ZNF14: variants seen among roughly 807,000 people sequenced by gnomAD.
ZNF14 encodes zinc finger protein 14, also known as gonadotropin inducible transcription repressor-4.
In ZNF14, 9 loss-of-function variants were observed where a neutral mutation model predicts 11.3. That is an observed-to-expected ratio of 0.80 (90% confidence interval 0.48 to 1.39). The LOEUF (loss-of-function observed/expected upper bound fraction) is 1.39, where lower values mean the gene tolerates loss of function less well. Ranked by LOEUF, ZNF14 falls within the 40% of genes most tolerant of loss-of-function variation. The pLI, the probability that ZNF14 is intolerant of heterozygous loss-of-function variation, is 0.00. For missense variants in ZNF14, 711 were observed against 763.9 expected (o/e 0.93, Z 0.82); for synonymous variants, 239 against 245.7 (o/e 0.97, Z 0.25).
At chr19:19,731,686 G>C (rs1239219463) in intron 1 of ZNF14, among the ~76,000 whole-genome samples, 1 of 152,100 alleles carries the variant, frequency 6.6e-6, no homozygotes, top group Non-Finnish European at 1.5e-5. Context: ...ACAACCACAC[G>C]AGGAAAGAAA....
rs1244837365 is a variant in ZNF14, at chr19:19,720,206, T to A, written c.4-5719A>T. ...AAAATGAGGAAGGACATTGTTGAAC[T>A]GAACAGTACCATCAAACAACTGGAC... On this transcript the variant is annotated intron_variant, in intron 1 of 3. Transcript: ENST00000344099. The surrounding 1 kb of genome is among the most constrained non-coding windows in gnomAD (Gnocchi z 4.1). 2.0e-5 allele frequency among the ~76,000 whole-genome samples: 3 copies of A among 152,192 alleles called. No homozygotes were observed. The highest frequency in any genetic ancestry group is 6.5e-5 in the Admixed American group (1 of 15,272).
chr19:19,723,528 T>C (rs1444395669), intron 1 of ZNF14, among the ~76,000 whole-genome samples: 3 of 152,142 alleles, frequency 2.0e-5, no homozygotes, highest in Non-Finnish European at 4.4e-5. Context: ...GTCAGGGATA[T>C]TGGTCTAAAA....
intron 1 of ZNF14, among the ~76,000 whole-genome samples, chr19:19,717,686 T>A (rs1464699927): frequency 6.6e-6 from 1 of 152,156 alleles, no homozygotes; most frequent in Non-Finnish European, 1.5e-5. Flanking sequence ...GTGCTAGGAA[T>A]CACACACAAA....
chr19:19,726,583 T>C lies in ZNF14; in HGVS notation c.3+6373A>G, dbSNP rs1408244581. Among the ~76,000 whole-genome samples, 2 of 133,556 alleles carry C rather than the reference T, an allele frequency of 1.5e-5. 1 individual carries two copies. The highest frequency in any genetic ancestry group is 3.3e-5 in the Non-Finnish European group (2 of 60,102). 87.6% of individuals were successfully genotyped at this position (133,556 alleles called of 152,430 possible). The stretch of plus-strand genomic sequence containing the variant: ...GTCCGTTCTCAGATCTCAAAATCCA[T>C]GCTGGGAGAACCACTACTCTCTTCA... On this transcript the variant is annotated intron_variant, in intron 1 of 3. Transcript: ENST00000344099.
chr19:19,711,987 T>C lies in ZNF14; in HGVS notation c.1294A>G (p.Ser432Gly). 2 of 1,614,062 alleles carry C rather than the reference T, an allele frequency of 1.2e-6. No homozygotes were observed. The highest frequency in any genetic ancestry group is 1.3e-5 in the African/African-American group (1 of 75,022). Residue 432 changes from serine to glycine, a missense_variant, in exon 4 of 4, where the codon AGT becomes GGT. By Grantham distance (56) the Ser-to-Gly change is moderately conservative (BLOSUM62 0). Transcript: ENST00000344099. Reference protein sequence around the residue: ...KQCGKTFSFSSSLQRHERTHN... With the variant: ...KQCGKTFSFSGSLQRHERTHN... ...GTCCTTTCATGTCTTTGAAGGGAAC[T>C]TGAAAAACTGAAGGTTTTACCACAT...
chr19:19,721,715 A>G (rs2062393792), intron 1 of ZNF14, among the ~76,000 whole-genome samples: 1 of 152,138 alleles, frequency 6.6e-6, no homozygotes, highest in Non-Finnish European at 1.5e-5. Flanking sequence ...TAATCCTAGC[A>G]CTTTGGGAGG....
intron 2 of ZNF14, 99 bp downstream of exon 2, chr19:19,714,262 C>T: frequency 6.3e-7 from 1 of 1,593,002 alleles, no homozygotes; most frequent in South Asian, 1.1e-5. Context: ...CTGAAAGATT[C>T]CCTTTCCACA....
At position 19,720,186 on chromosome 19, in the gene ZNF14, G is replaced by A. The variant is rs1252993306; in HGVS notation, c.4-5699C>T. On this transcript the variant is annotated intron_variant, in intron 1 of 3. Transcript: ENST00000344099. The surrounding 1 kb of genome is among the most constrained non-coding windows in gnomAD (Gnocchi z 4.1). ...ATAGCAGATCCAGCAGGCAGAAAAT[G>A]AGGAAGGACATTGTTGAACTGAACA... Among the ~76,000 whole-genome samples the A allele has an allele frequency of 6.6e-6, 1 of 152,176 alleles. No individual in the cohort carries two copies. Among genetic ancestry groups the A allele is most frequent in the Non-Finnish European group, 1.5e-5 (1 of 68,040 alleles).
At chr19:19,731,152 C>T (rs1362940525) in intron 1 of ZNF14, among the ~76,000 whole-genome samples, 1 of 152,124 alleles carries the variant, frequency 6.6e-6, no homozygotes, top group Non-Finnish European at 1.5e-5. Flanking sequence ...TTAGAAAAAC[C>T]ATTATTTATT....
In ZNF14 at chr19:19,733,080, T is replaced by G. The variant is rs2062428982; in HGVS notation, c.-122A>C. The stretch of plus-strand genomic sequence containing the variant: ...CTTCAGGAGCAGGTGAAACGCAATC[T>G]TCCCATGGGCCAGGAATGGCGACGT... On this transcript the variant is annotated 5_prime_UTR_variant, in exon 1 of 4. Coordinates refer to ENST00000344099, the MANE Select transcript of ZNF14 (RefSeq NM_021030.3). The G allele has an allele frequency of 1.4e-5, 18 of 1,296,754 alleles. No individual in the cohort carries two copies. Among genetic ancestry groups the G allele is most frequent in the Non-Finnish European group, 1.8e-5 (17 of 931,808 alleles). 80.3% of individuals were successfully genotyped at this position (1,296,754 alleles called of 1,614,324 possible). A position where few individuals can be genotyped will look rare whatever the true frequency, so the allele number is the denominator to read the frequency against.
Position 19,727,622 on chromosome 19 carries a change from T to C in ZNF14, c.3+5334A>G, listed in dbSNP as rs1224018769. On this transcript the variant is annotated intron_variant, in intron 1 of 3. Transcript: ENST00000344099. ...CAGAACACACTCCACATGTACTTGA[T>C]GAAAATATATTCTTTTTTGAACAAC... Among the ~76,000 whole-genome samples the C allele has an allele frequency of 3.7e-4, 50 of 133,596 alleles. 8 individuals carry two copies. The highest frequency in any genetic ancestry group is 7.4e-5 in the Admixed American group (1 of 13,564). 87.6% of individuals were successfully genotyped at this position (133,596 alleles called of 152,430 possible).
chr19:19,718,672 T>C (rs922199194), intron 1 of ZNF14, among the ~76,000 whole-genome samples: 25 of 152,192 alleles, frequency 1.6e-4, no homozygotes, highest in Admixed American at 2.0e-4. Context: ...GGGTGTATCA[T>C]ATTCAAGGAG....
intron 3 of ZNF14, 66 bp downstream of exon 3, chr19:19,714,021 CTTAA>C: frequency 7.2e-7 from 1 of 1,396,996 alleles, no homozygotes; most frequent in Non-Finnish European, 1.0e-6. Context: ...TGAAGCTGTG[CTTAA>C]TTGTTTTGCT....
chr19:19,716,160 C>T (rs2062377301), intron 1 of ZNF14, among the ~76,000 whole-genome samples: 1 of 152,136 alleles, frequency 6.6e-6, no homozygotes, highest in Non-Finnish European at 1.5e-5. Flanking sequence ...GGAGTTCAAG[C>T]ATACAAGCAG....
intron 3 of ZNF14, 56 bp from the exon 4 acceptor site, chr19:19,713,145 A>C: frequency 6.9e-7 from 1 of 1,450,102 alleles, no homozygotes; most frequent in South Asian, 1.4e-5. Flanking sequence ...TGTATTTATT[A>C]GTAGGTATGA....
chr19:19,711,625 A>G lies in ZNF14; in HGVS notation c.1656T>C (p.Thr552=). The change falls in exon 4 of 4, where the codon ACT becomes ACC. Residue 552 remains threonine, a synonymous_variant. Transcript: ENST00000344099. Reference sequence around the variant, plus strand: ...ATTGATACGGTTTCTCTCCAGTGTGAGTCCTTTCATGCAATCGAATTTGAC... The same window carrying G: ...ATTGATACGGTTTCTCTCCAGTGTGGGTCCTTTCATGCAATCGAATTTGAC... ...RSSQIRLHER[T]HTGEKPYQCK... The G allele has an allele frequency of 6.2e-7, 1 of 1,613,280 alleles. No homozygotes were observed. Among genetic ancestry groups the G allele is most frequent in the Non-Finnish European group, 8.5e-7 (1 of 1,179,858 alleles).
chr19:19,722,491 T>A (rs1041604258), intron 1 of ZNF14, among the ~76,000 whole-genome samples: 1 of 152,220 alleles, frequency 6.6e-6, no homozygotes, highest in Non-Finnish European at 1.5e-5. Context: ...TAGTATAGTT[T>A]GAAGTCAGGT....
chr19:19,713,045 T>C lies in ZNF14; in HGVS notation c.236A>G (p.Lys79Arg), dbSNP rs2062367039. 1 of 1,611,560 alleles carries C rather than the reference T, an allele frequency of 6.2e-7. No individual in the cohort carries two copies. The highest frequency in any genetic ancestry group is 1.1e-5 in the South Asian group (1 of 90,682). The change falls in exon 4 of 4, where the codon AAA becomes AGA. Residue 79 changes from lysine (K) to arginine (R), a missense_variant. Lys to Arg is a conservative substitution (Grantham distance 26, BLOSUM62 2). Coordinates refer to ENST00000344099, the MANE Select transcript of ZNF14 (RefSeq NM_021030.3). ...CATCTGGCTAGTGGTTTCTCCACAT[T>C]TGCTACCTCTTCTACTTTCACAGAG... Reference protein sequence around the residue: ...ERLCESRRGSKCGETTSQMPN... With the variant: ...ERLCESRRGSRCGETTSQMPN...
At chr19:19,721,106 C>T (rs1231710494) in intron 1 of ZNF14, among the ~76,000 whole-genome samples, 1 of 152,128 alleles carries the variant, frequency 6.6e-6, no homozygotes, top group African/African-American at 2.4e-5. Context: ...TATAGGCACG[C>T]ACCACCATGC....
Sources: gnomAD v4.1 joint callset for allele counts (sites outside exome capture counted in the v4.1 genomes callset) on GRCh38, gnomAD v4.1.1 for gene constraint, Gnocchi (gnomAD v3.1) non-coding constraint, MANE v1.5 for transcripts, NCBI Gene and HGNC (gene_info 2026-07-23, HGNC 2026-07-21) for gene names.